Variants in GLG1 observed in about 807,000 individuals in gnomAD.
The protein encoded by GLG1 is golgi glycoprotein 1.
Under a neutral mutation model 160.5 loss-of-function variants are expected in GLG1, and 38 were observed. The observed-to-expected ratio is 0.24, with a 90% CI of 0.18 to 0.31. The LOEUF is 0.31. GLG1 is among the 10% of genes least tolerant of loss of function. The pLI, the probability that GLG1 is intolerant of heterozygous loss-of-function variation, is 1.00. For missense variants in GLG1, 1,373 were observed against 1,505.2 expected, an observed-to-expected ratio of 0.91 and a Z score of 1.45; for synonymous variants, 644 against 543.4, an observed-to-expected ratio of 1.19 and a Z score of -2.57.
chr16:74,538,256 T>C (rs2017739350), intron 1 of GLG1, among the ~76,000 whole-genome samples: 1 of 150,702 alleles, frequency 6.6e-6, no homozygotes, highest in African/African-American at 2.4e-5. Flanking sequence ...GATAACCTAA[T>C]GCCTCCTTTC....
chr16:74,519,856 G>A (rs1387726767), intron 2 of GLG1, among the ~76,000 whole-genome samples: 1 of 152,114 alleles, frequency 6.6e-6, no homozygotes, highest in East Asian at 1.9e-4. Flanking sequence ...TATAAAAGAT[G>A]AGGAATGAAT....
chr16:74,575,505 T>G (rs1245845906), intron 1 of GLG1, among the ~76,000 whole-genome samples: 1 of 152,236 alleles, frequency 6.6e-6, no homozygotes, highest in Non-Finnish European at 1.5e-5. Flanking sequence ...GGACTTTTGC[T>G]GGAAGCTAAC....
rs186536344 is a variant in GLG1, at chr16:74,568,754, A to G, written c.439-36601T>C. On this transcript the variant is annotated intron_variant, in intron 1 of 25. Coordinates refer to ENST00000422840, the MANE Select transcript of GLG1 (RefSeq NM_001145667.2). ...TTTCTATTTGCAAAGTGCTTAACCA[A>G]TAGTATCTTAAATCAGGTGCACATG... 2.6e-3 allele frequency among the ~76,000 whole-genome samples: 393 copies of G among 152,328 alleles called. 4 individuals are homozygous for G. Among genetic ancestry groups the G allele is most frequent in the African/African-American group, 9.0e-3 (373 of 41,576 alleles).
At chr16:74,549,573 G>T (rs1404533222) in intron 1 of GLG1, among the ~76,000 whole-genome samples, 2 of 152,148 alleles carry the variant, frequency 1.3e-5, no homozygotes, top group Non-Finnish European at 2.9e-5. Flanking sequence ...GGCGTGAGCC[G>T]CTGCGCCTGG....
rs911386687 is a variant in GLG1 at position 74,503,895 on chromosome 16, AAGGAAAACATTT to A, written c.559-161_559-150del. The A allele has an allele frequency of 5.3e-5, 33 of 617,958 alleles. No individual in the cohort carries two copies. The Admixed American group carries it at 9.5e-4, about 18-fold the overall frequency. The allele number at this position is 617,958 out of a possible 1,614,324, so 38.3% of individuals were successfully genotyped here. A position where few individuals can be genotyped will look rare whatever the true frequency, so the allele number is the denominator to read the frequency against. On this transcript the variant is annotated intron_variant, in intron 3 of 25. Coordinates refer to ENST00000422840, the MANE Select transcript of GLG1 (RefSeq NM_001145667.2). Reference sequence around the variant, plus strand: ...AAGAAAAATGCTTAGAAATATATCCAAGGAAAACATTTAGGAATACATTCATTTTAAAGAAAA... The same window carrying A: ...AAGAAAAATGCTTAGAAATATATCCAAGGAATACATTCATTTTAAAGAAAA...
intron 7 of GLG1, among the ~76,000 whole-genome samples, chr16:74,492,612 A>T (rs529812795): frequency 1.3e-5 from 2 of 151,990 alleles, no homozygotes; most frequent in East Asian, 3.9e-4. Flanking sequence ...TAAGTTTGGG[A>T]GTTCGAGACC....
intron 1 of GLG1, among the ~76,000 whole-genome samples, chr16:74,544,748 C>T (rs964814599): frequency 6.6e-6 from 1 of 152,220 alleles, no homozygotes; most frequent in African/African-American, 2.4e-5. Context: ...GACCCTCCCA[C>T]CTCGGCCTCC....
At chr16:74,585,022 T>C (rs557929603) in intron 1 of GLG1, among the ~76,000 whole-genome samples, 17 of 152,156 alleles carry the variant, frequency 1.1e-4, no homozygotes, top group Non-Finnish European at 1.6e-4. Flanking sequence ...AACTTATTCA[T>C]GTAACCAAAC....
intron 1 of GLG1, among the ~76,000 whole-genome samples, chr16:74,570,034 G>GAA (rs796957767): frequency 8.2e-6 from 1 of 122,352 alleles, no homozygotes; most frequent in Admixed American, 8.3e-5. Flanking sequence ...GAAAAGGAAA[G>GAA]AAAAAAAAAA....
rs771101760 is a variant in GLG1, at chr16:74,508,844, T to G, written c.553A>C (p.Thr185Pro). ...VAREVCKSTI[T>P]EIKECADEPV... ...AAAATTCTTTGACAACTTACCTCTG[T>G]TATAGTAGATTTGCAAACCTCTCTG... Residue 185 changes from threonine (T) to proline (P), a missense_variant, in exon 3 of 26, where the codon ACA (threonine) becomes CCA (proline). By Grantham distance (38) the Thr-to-Pro change is conservative. Around this residue, in one of 4 missense-constraint regions of GLG1, gnomAD observed 322 missense variants for 254.6 expected, o/e 1.26. Coordinates refer to ENST00000422840, the MANE Select transcript of GLG1 (RefSeq NM_001145667.2). 8 of 1,402,076 alleles carry G rather than the reference T, an allele frequency of 5.7e-6. No individual in the cohort carries two copies. In the African/African-American group the frequency reaches 1.1e-4, roughly 20 times the overall value. 86.9% of individuals were successfully genotyped at this position (1,402,076 alleles called of 1,614,324 possible).
intron 2 of GLG1, among the ~76,000 whole-genome samples, chr16:74,517,388 G>C (rs1264356703): frequency 6.6e-6 from 1 of 152,164 alleles, no homozygotes; most frequent in Non-Finnish European, 1.5e-5. Flanking sequence ...TGCAAGGCTG[G>C]TTCAACATAT....
intron 18 of GLG1, 76 bp from the exon 19 acceptor site, chr16:74,465,889 G>A: frequency 8.4e-7 from 1 of 1,189,252 alleles, no homozygotes; most frequent in Non-Finnish European, 1.2e-6. Context: ...GAAACATTCA[G>A]CTCCACTGTG....
At position 74,590,323 on chromosome 16, in the gene GLG1, A is replaced by G. The variant is rs145585208; in HGVS notation, c.438+16334T>C. Among the ~76,000 whole-genome samples the G allele has an allele frequency of 2.3e-4, 35 of 152,004 alleles. No individual in the cohort carries two copies. The East Asian group carries it at 5.7e-3, about 25-fold the overall frequency. On this transcript the variant is annotated intron_variant, in intron 1 of 25. Transcript: ENST00000422840. ...CGATAATTTTTCTTTTTTTACCATT[A>G]TAAGAAGTTTCAGGCCAGGTGCCAT...
chr16:74,592,359 T>G, intron 1 of GLG1, among the ~76,000 whole-genome samples: 1 of 152,112 alleles, frequency 6.6e-6, no homozygotes, highest in African/African-American at 2.4e-5. Flanking sequence ...GCCCAGGCTG[T>G]TCTTGAATTC....
intron 1 of GLG1, among the ~76,000 whole-genome samples, chr16:74,559,990 T>C (rs2018462795): frequency 1.3e-5 from 2 of 152,250 alleles, no homozygotes; most frequent in Admixed American, 6.5e-5. Context: ...TAGTGCAATC[T>C]GTCACAACTA....
chr16:74,530,119 C>G (rs1267967864), intron 2 of GLG1, among the ~76,000 whole-genome samples: 1 of 152,024 alleles, frequency 6.6e-6, no homozygotes, highest in Admixed American at 6.6e-5. Flanking sequence ...TTTGAGAGTT[C>G]CAAGGCACAC....
At position 74,477,383 on chromosome 16, in the gene GLG1, C is replaced by T. The variant is rs1278190316; in HGVS notation, c.1965+13G>A. 14 of 1,597,658 alleles carry T rather than the reference C, an allele frequency of 8.8e-6. No individual in the cohort carries two copies. Among genetic ancestry groups the T allele is most frequent in the East Asian group, 2.2e-5 (1 of 44,780 alleles). On this transcript the variant is annotated intron_variant, in intron 12 of 25. Transcript: ENST00000422840. ...TCATTATTGTAAGACAAACAGAAAGCGATGTCACCTACCTGTCCAGTCTCT... is the reference window on the plus strand; with the variant it reads ...TCATTATTGTAAGACAAACAGAAAGTGATGTCACCTACCTGTCCAGTCTCT...
intron 1 of GLG1, among the ~76,000 whole-genome samples, chr16:74,535,699 T>G (rs1245881462): frequency 6.6e-6 from 1 of 152,218 alleles, no homozygotes; most frequent in Non-Finnish European, 1.5e-5. Context: ...CTGCCCAAAG[T>G]GCTGGGACTG....
At chr16:74,585,615 G>T (rs1026975503) in intron 1 of GLG1, among the ~76,000 whole-genome samples, 11 of 151,052 alleles carry the variant, frequency 7.3e-5, no homozygotes, top group Non-Finnish European at 1.5e-4. Context: ...GGCTGAGGCA[G>T]GAGAATGGCG....
Sources: allele counts gnomAD v4.1 joint callset (sites outside exome capture counted in the v4.1 genomes callset), GRCh38; gene constraint gnomAD v4.1.1; regional missense constraint gnomAD v4.1.1; transcripts MANE v1.5; gene names NCBI Gene and HGNC (gene_info 2026-07-23, HGNC 2026-07-21).